PSD3: variants seen among roughly 807,000 people sequenced by gnomAD.
PSD3 encodes PH and SEC7 domain-containing protein 3.
Under a neutral mutation model 105.5 loss-of-function variants are expected in PSD3, and 49 were observed. The ratio of observed to expected loss-of-function variants is 0.46; its 90% CI spans 0.37 to 0.59. The LOEUF is 0.59. Ranked by LOEUF, PSD3 falls within the 20% of genes least tolerant of loss-of-function variation. PSD3 has a pLI of 0.00. For missense variants in PSD3, 1,561 were observed against 1,263.8 expected (o/e 1.24, Z -3.57); for synonymous variants, 557 against 457.8 (o/e 1.22, Z -2.77).
intron 11 of PSD3, among the ~76,000 whole-genome samples, chr8:18,612,498 C>G (rs1041965210): frequency 3.9e-5 from 6 of 152,014 alleles, no homozygotes; most frequent in Non-Finnish European, 7.4e-5. Context: ...TCAGCTTCCC[C>G]AATAGCTGGG....
chr8:18,802,330 C>G, intron 6 of PSD3: 1 of 432,530 alleles, frequency 2.3e-6, no homozygotes, highest in Non-Finnish European at 4.7e-6. Flanking sequence ...ATGACCCTCA[C>G]TTGACAATGT....
At chr8:19,010,021 TCCTAAATC>T (rs569607296) in intron 1 of PSD3, among the ~76,000 whole-genome samples, 4 of 152,338 alleles carry the variant, frequency 2.6e-5, no homozygotes, top group Admixed American at 1.3e-4. Context: ...TTCCCAGTTA[TCCTAAATC>T]CCTAACTCCA....
At chr8:18,779,336 T>A (rs190622883) in intron 8 of PSD3, among the ~76,000 whole-genome samples, 19 of 152,214 alleles carry the variant, frequency 1.2e-4, no homozygotes, top group African/African-American at 4.6e-4. Flanking sequence ...TCTTCTTTTT[T>A]AATCTTGGTT....
At chr8:19,080,474 C>G (rs1356137592) in intron 1 of PSD3, among the ~76,000 whole-genome samples, 2 of 152,166 alleles carry the variant, frequency 1.3e-5, no homozygotes, top group African/African-American at 4.8e-5. Flanking sequence ...GAGTAACAGT[C>G]CAAGACAGAG....
chr8:19,010,242 A>G (rs1000314966), intron 1 of PSD3, among the ~76,000 whole-genome samples: 3 of 152,120 alleles, frequency 2.0e-5, no homozygotes, highest in South Asian at 2.1e-4. Context: ...CCCTCACACC[A>G]CCGGTGTCAC....
In PSD3 at chr8:18,684,248, ACACC is replaced by A. The variant is rs1461318014; in HGVS notation, c.2173-28567_2173-28564del. On this transcript the variant is annotated intron_variant, in intron 9 of 15. Coordinates refer to ENST00000327040, the MANE Select transcript of PSD3 (RefSeq NM_015310.4). ...CACACACACACACACACACACACAC[ACACC>A]CCATCATATTCACACACTGGAACGA... 3.9e-3 allele frequency: 636 copies of A among 162,680 alleles called. 3 individuals are homozygous for A. Among genetic ancestry groups the A allele is most frequent in the African/African-American group, 0.016 (586 of 37,514 alleles). The allele number at this position is 162,680 out of a possible 1,614,324, so 10.1% of individuals were successfully genotyped here. A position where few individuals can be genotyped will look rare whatever the true frequency, so the allele number is the denominator to read the frequency against.
chr8:18,958,998 G>GCAAC (rs1427487720), intron 1 of PSD3, among the ~76,000 whole-genome samples: 1 of 150,852 alleles, frequency 6.6e-6, no homozygotes, highest in African/African-American at 2.4e-5. Context: ...TTGGCTCACT[G>GCAAC]CAACCTGCAC....
At chr8:18,594,652 G>A (rs1417153860) in intron 12 of PSD3, among the ~76,000 whole-genome samples, 1 of 151,014 alleles carries the variant, frequency 6.6e-6, no homozygotes, top group Non-Finnish European at 1.5e-5. Flanking sequence ...GGTATCCGTG[G>A]GAGATTTGTT....
intron 11 of PSD3, among the ~76,000 whole-genome samples, chr8:18,619,334 A>C (rs891147759): frequency 2.0e-5 from 3 of 152,182 alleles, no homozygotes; most frequent in Non-Finnish European, 4.4e-5. Flanking sequence ...TGGCAATAAG[A>C]TACCAGATTA....
intron 11 of PSD3, among the ~76,000 whole-genome samples, chr8:18,613,742 A>G (rs1805448284): frequency 6.6e-6 from 1 of 152,166 alleles, no homozygotes; most frequent in Non-Finnish European, 1.5e-5. Flanking sequence ...AGCAGAATCC[A>G]TTCTCAGGGC....
chr8:19,054,654 A>C (rs1828648142), intron 1 of PSD3, among the ~76,000 whole-genome samples: 1 of 152,194 alleles, frequency 6.6e-6, no homozygotes, highest in Non-Finnish European at 1.5e-5. Flanking sequence ...AGGAATTCAT[A>C]TTTTTGGTAA....
At chr8:18,994,357 C>T (rs895883639) in intron 1 of PSD3, among the ~76,000 whole-genome samples, 2 of 152,016 alleles carry the variant, frequency 1.3e-5, no homozygotes, top group East Asian at 1.9e-4. Context: ...TTTAAGATTA[C>T]TGTAAAAAAA....
chr8:18,902,205 AT>A (rs1179349354), intron 2 of PSD3, among the ~76,000 whole-genome samples: 1 of 152,150 alleles, frequency 6.6e-6, no homozygotes, highest in African/African-American at 2.4e-5. Context: ...TATTTACTTA[AT>A]GGTGTCCCAC....
chr8:18,579,459 G>T (rs557960647), intron 12 of PSD3, among the ~76,000 whole-genome samples: 1 of 152,178 alleles, frequency 6.6e-6, no homozygotes, highest in East Asian at 1.9e-4. Context: ...TGAAAATGAT[G>T]ACTAAAAACA....
At position 18,780,754 on chromosome 8, in the gene PSD3, C is replaced by T. The variant is rs557991696; in HGVS notation, c.2083-15216G>A. 3.3e-5 allele frequency among the ~76,000 whole-genome samples: 5 copies of T among 152,260 alleles called. No individual in the cohort carries two copies. In the South Asian group the frequency reaches 1.0e-3, roughly 32 times the overall value. On this transcript the variant is annotated intron_variant, in intron 8 of 15. Coordinates refer to ENST00000327040, the MANE Select transcript of PSD3 (RefSeq NM_015310.4). ...TATTTTTAGTAGAGACGGGGTTTCA[C>T]TGTGTTAGCCAGGATGGTCTCAATC...
intron 1 of PSD3, among the ~76,000 whole-genome samples, chr8:19,002,341 T>A (rs370997813): frequency 4.6e-5 from 7 of 152,156 alleles, no homozygotes; most frequent in African/African-American, 1.7e-4. Context: ...CTGGTCTTAC[T>A]GTAAGAGCTT....
intron 10 of PSD3, among the ~76,000 whole-genome samples, chr8:18,638,852 C>T (rs1004307564): frequency 6.6e-6 from 1 of 152,092 alleles, no homozygotes; most frequent in African/African-American, 2.4e-5. Context: ...TTACTGTAAT[C>T]AAAACAGCAT....
intron 2 of PSD3, among the ~76,000 whole-genome samples, chr8:18,876,084 T>C (rs999750667): frequency 1.3e-5 from 2 of 152,130 alleles, no homozygotes; most frequent in African/African-American, 4.8e-5. Context: ...TCATTCCTTT[T>C]ATTTTATTAT....
chr8:18,632,814 G>A lies in PSD3; in HGVS notation c.2217-8C>T. The A allele has an allele frequency of 1.3e-6, 2 of 1,539,050 alleles. No individual in the cohort carries two copies. The highest frequency in any genetic ancestry group is 2.3e-5 in the East Asian group (1 of 44,192). On this transcript the variant is annotated splice_region_variant and splice_polypyrimidine_tract_variant and intron_variant, in intron 10 of 15. Transcript: ENST00000327040. ...TTTTTCTCTTCATCATCTCTAAAAG[G>A]GAGAAAGCACAAAGACTGAGTCAAG...
Sources: allele counts gnomAD v4.1 joint callset (sites outside exome capture counted in the v4.1 genomes callset), GRCh38; gene constraint gnomAD v4.1.1; transcripts MANE v1.5; gene names NCBI Gene and HGNC (gene_info 2026-07-23, HGNC 2026-07-21).